Variants in DLGAP2 observed in about 807,000 individuals in gnomAD.
The protein encoded by DLGAP2 is disks large-associated protein 2.
A neutral mutation model predicts 100.3 loss-of-function variants in DLGAP2; 26 were observed. The ratio of observed to expected loss-of-function variants is 0.26; its 90% CI spans 0.19 to 0.36. DLGAP2 has a LOEUF of 0.36. DLGAP2 is among the 10% of genes least tolerant of loss of function. DLGAP2 has a pLI of 1.00. For missense variants in DLGAP2, 1,858 were observed against 1,453.2 expected (o/e 1.28, Z -4.53); for synonymous variants, 886 against 630.1 (o/e 1.41, Z -6.08).
intron 6 of DLGAP2, among the ~76,000 whole-genome samples, chr8:1,605,717 C>T (rs1178294633): frequency 6.6e-6 from 1 of 152,204 alleles, no homozygotes; most frequent in Non-Finnish European, 1.5e-5. Flanking sequence ...ACTGTCCGAG[C>T]CCACAGCGTC....
At chr8:1,515,703 GACAC>G (rs535431775) in intron 4 of DLGAP2, among the ~76,000 whole-genome samples, 2 of 152,032 alleles carry the variant, frequency 1.3e-5, no homozygotes, top group African/African-American at 4.8e-5. Context: ...CAAATATGCA[GACAC>G]ACAAACACAT....
intron 2 of DLGAP2, among the ~76,000 whole-genome samples, chr8:923,519 G>C (rs1798756142): frequency 6.6e-6 from 1 of 152,248 alleles, no homozygotes; most frequent in South Asian, 2.1e-4. Context: ...AAAAGCTACA[G>C]TTCCTGAAGT....
At chr8:1,193,762 C>G (rs1166752521) in intron 2 of DLGAP2, among the ~76,000 whole-genome samples, 1 of 152,018 alleles carries the variant, frequency 6.6e-6, no homozygotes, top group Non-Finnish European at 1.5e-5. Context: ...GGAGCAGATC[C>G]CAGTCTCGGC....
intron 2 of DLGAP2, among the ~76,000 whole-genome samples, chr8:1,007,643 G>A (rs1427501305): frequency 2.0e-5 from 3 of 146,908 alleles, no homozygotes; most frequent in Admixed American, 6.7e-5. Flanking sequence ...TTTGGGGGGG[G>A]GATCTTCTGT....
At chr8:1,507,181 A>G (rs1395128172) in intron 4 of DLGAP2, among the ~76,000 whole-genome samples, 4 of 152,210 alleles carry the variant, frequency 2.6e-5, no homozygotes, top group African/African-American at 9.6e-5. Flanking sequence ...TGGAGGGTCA[A>G]TGGGACCGGG....
chr8:1,405,379 C>A (rs1433336029), intron 3 of DLGAP2, among the ~76,000 whole-genome samples: 2 of 17,970 alleles, frequency 1.1e-4, no homozygotes, highest in African/African-American at 1.9e-4. Flanking sequence ...ACTGAGCGCC[C>A]CCTCCTCGTC....
rs1049669582 is a variant in DLGAP2 at position 1,703,053 on chromosome 8, C to G, written c.*1647C>G. On this transcript the variant is annotated 3_prime_UTR_variant, in exon 15 of 15. Coordinates refer to ENST00000637795, the MANE Select transcript of DLGAP2 (RefSeq NM_001346810.2). The stretch of plus-strand genomic sequence containing the variant: ...GTGCGGTTGGCCCCCAGCGCGCCCT[C>G]CAGAGCTGCGGTGTCTCCCTGCCTC... 4 of 152,678 alleles carry G rather than the reference C, an allele frequency of 2.6e-5. No homozygotes were observed. The highest frequency in any genetic ancestry group is 9.6e-5 in the African/African-American group (4 of 41,460). The allele number at this position is 152,678 out of a possible 1,614,324, so 9.5% of individuals were successfully genotyped here. A position where few individuals can be genotyped will look rare whatever the true frequency, so the allele number is the denominator to read the frequency against.
At chr8:1,366,117 C>G (rs1802102523) in intron 3 of DLGAP2, among the ~76,000 whole-genome samples, 1 of 152,254 alleles carries the variant, frequency 6.6e-6, no homozygotes, top group Non-Finnish European at 1.5e-5. Context: ...GCTGGGGATT[C>G]ATCAAGTTTT....
intron 3 of DLGAP2, among the ~76,000 whole-genome samples, chr8:1,363,090 A>G (rs944741801): frequency 6.6e-6 from 1 of 152,240 alleles, no homozygotes; most frequent in African/African-American, 2.4e-5. Flanking sequence ...AAGTCTTCTC[A>G]TTTTTAGAAG....
Position 1,185,954 on chromosome 8 carries a change from G to A in DLGAP2, c.74-72897G>A, listed in dbSNP as rs542290626. On this transcript the variant is annotated intron_variant, in intron 2 of 14. Coordinates refer to ENST00000637795, the MANE Select transcript of DLGAP2 (RefSeq NM_001346810.2). ...CGCCTCGGAGTTCCATGATCTCGGG[G>A]CCTCCTGTCACCTCCCTCCAGGAAG... 2.6e-4 allele frequency among the ~76,000 whole-genome samples: 39 copies of A among 152,202 alleles called. 1 individual carries two copies. The South Asian group carries it at 7.7e-3, about 30-fold the overall frequency.
At chr8:997,094 A>C (rs1800803073) in intron 2 of DLGAP2, among the ~76,000 whole-genome samples, 1 of 152,196 alleles carries the variant, frequency 6.6e-6, no homozygotes, top group Non-Finnish European at 1.5e-5. Context: ...TGTTTTGTTC[A>C]TTGTATGAAA....
intron 1 of DLGAP2, among the ~76,000 whole-genome samples, chr8:785,090 G>A (rs936325101): frequency 3.9e-5 from 6 of 151,956 alleles, no homozygotes; most frequent in Admixed American, 2.6e-4. Context: ...GGTGGCAGGC[G>A]CCTGTAGTCC....
At chr8:1,647,447 C>G (rs1382388696) in intron 8 of DLGAP2, among the ~76,000 whole-genome samples, 6 of 130,938 alleles carry the variant, frequency 4.6e-5, no homozygotes, top group Admixed American at 8.8e-5. Context: ...CGAGATCGCG[C>G]CACTGCACTC....
chr8:1,696,696 C>A (rs943873110), intron 13 of DLGAP2, among the ~76,000 whole-genome samples: 3 of 152,130 alleles, frequency 2.0e-5, no homozygotes, highest in African/African-American at 7.2e-5. Flanking sequence ...GTGTCATCAC[C>A]GTAAGAACGA....
intron 3 of DLGAP2, among the ~76,000 whole-genome samples, chr8:1,418,297 T>G (rs1198214685): frequency 1.3e-5 from 2 of 152,188 alleles, no homozygotes; most frequent in South Asian, 2.1e-4. Context: ...GTCTAAAAAT[T>G]AAACAGCTTC....
At chr8:1,548,510 C>T (rs1249475529) in intron 4 of DLGAP2, 116 bp from the exon 5 acceptor site, 1 of 737,260 alleles carries the variant, frequency 1.4e-6, no homozygotes, top group Admixed American at 4.0e-5. Flanking sequence ...TCTCGAGTGC[C>T]CAGGCCAGAC....
At chr8:1,224,273 G>C (rs1388400003) in intron 2 of DLGAP2, among the ~76,000 whole-genome samples, 1 of 152,122 alleles carries the variant, frequency 6.6e-6, no homozygotes, top group African/African-American at 2.4e-5. Flanking sequence ...GATGAGTAAG[G>C]CACAGTTCTC....
At position 802,397 on chromosome 8, in the gene DLGAP2, A is replaced by G. The variant is rs6982343; in HGVS notation, c.18+64572A>G. ...TCATCCAGCCCAGTCTTCCTGGTTG[A>G]AGTCAGTGCTCTGGGCCCCTGGGCA... On this transcript the variant is annotated intron_variant, in intron 1 of 14. Coordinates refer to ENST00000637795, the MANE Select transcript of DLGAP2 (RefSeq NM_001346810.2). Among the ~76,000 whole-genome samples, 137 of 150,086 alleles carry G rather than the reference A, an allele frequency of 9.1e-4. 2 individuals are homozygous for G. The highest frequency in any genetic ancestry group is 3.4e-3 in the Middle Eastern group (1 of 290).
chr8:1,604,800 C>T (rs1049858324), intron 6 of DLGAP2: 5 of 151,274 alleles, frequency 3.3e-5, no homozygotes, highest in Admixed American at 2.6e-4. Context: ...AAGCAATGTA[C>T]TTGTTAAAAA....
Sources: allele counts gnomAD v4.1 joint callset (sites outside exome capture counted in the v4.1 genomes callset), GRCh38; gene constraint gnomAD v4.1.1; transcripts MANE v1.5; gene names NCBI Gene and HGNC (gene_info 2026-07-23, HGNC 2026-07-21).